IL20RA: variants seen among roughly 807,000 people sequenced by gnomAD.
The protein encoded by IL20RA is interleukin 20 receptor subunit alpha, also known as interleukin-20 receptor subunit alpha.
In IL20RA, 29 loss-of-function variants were observed where a neutral mutation model predicts 36.5. The observed-to-expected ratio is 0.79, with a 90% confidence interval of 0.59 to 1.08. The LOEUF is 1.08. IL20RA is among the 50% of genes least tolerant of loss of function. The probability of loss-of-function intolerance (pLI) is 0.00; values close to 1 mark genes in which losing one functional copy is unlikely to be tolerated. For missense variants in IL20RA, 652 were observed against 668.4 expected (o/e 0.98, Z 0.27); for synonymous variants, 279 against 267.1 (o/e 1.04, Z -0.43).
intron 1 of IL20RA, among the ~76,000 whole-genome samples, chr6:137,022,977 G>C (rs1775956658): frequency 6.6e-6 from 1 of 152,146 alleles, no homozygotes; most frequent in South Asian, 2.1e-4. Context: ...AACTGTGAGA[G>C]AATAAATTGT....
At chr6:137,031,445 AG>A (rs1156471871) in intron 1 of IL20RA, among the ~76,000 whole-genome samples, 2 of 152,360 alleles carry the variant, frequency 1.3e-5, no homozygotes, top group African/African-American at 4.8e-5. Flanking sequence ...TGTATATATA[AG>A]ATGTGTATCT....
chr6:137,024,087 CTA>C (rs1227205988), intron 1 of IL20RA, among the ~76,000 whole-genome samples: 2 of 151,950 alleles, frequency 1.3e-5, no homozygotes, highest in African/African-American at 4.8e-5. Flanking sequence ...GAGTGAGACT[CTA>C]TCTAAAAACA....
At position 137,009,315 on chromosome 6, in the gene IL20RA, A is replaced by C. The variant is rs760758870; in HGVS notation, c.579+2T>G. Reference sequence around the variant, plus strand: ...GTATGCCCCATTCCATTTCAGGCTTACCGTTCTGTTTGATTTAGTATTCAA... The same window carrying C: ...GTATGCCCCATTCCATTTCAGGCTTCCCGTTCTGTTTGATTTAGTATTCAA... On this transcript the variant is annotated splice_donor_variant, in intron 4 of 6. Coordinates refer to ENST00000316649, the MANE Select transcript of IL20RA (RefSeq NM_014432.4). LOFTEE classifies it high-confidence loss of function. 1 of 1,611,702 alleles carries C rather than the reference A, an allele frequency of 6.2e-7. No individual in the cohort carries two copies. The highest frequency in any genetic ancestry group is 1.1e-5 in the South Asian group (1 of 91,042).
In IL20RA at chr6:137,044,834, G is replaced by A; in HGVS notation, c.-106C>T. 1.9e-6 allele frequency: 2 copies of A among 1,052,382 alleles called. No individual in the cohort carries two copies. The highest frequency in any genetic ancestry group is 2.4e-6 in the Non-Finnish European group (2 of 835,292). 65.2% of individuals were successfully genotyped at this position (1,052,382 alleles called of 1,614,324 possible). ...GCCTCAGCTCCGCGCCTGGGGCTCT[G>A]CGTGCCACGCTCCAGGCGACCTGAG... On this transcript the variant is annotated 5_prime_UTR_variant, in exon 1 of 7. Transcript: ENST00000316649.
intron 1 of IL20RA, chr6:137,037,992 A>C (rs372974239): frequency 3.9e-4 from 60 of 152,274 alleles, no homozygotes; most frequent in African/African-American, 1.4e-3. Context: ...GGTAGTGAGT[A>C]TCCTGTGATG....
At chr6:137,040,991 G>A (rs933864057) in intron 1 of IL20RA, among the ~76,000 whole-genome samples, 5 of 152,170 alleles carry the variant, frequency 3.3e-5, no homozygotes, top group African/African-American at 1.2e-4. Flanking sequence ...TTAACCAAGC[G>A]ATCAAGGTTA....
In IL20RA at chr6:137,007,577, A is replaced by T. The variant is rs952984507; in HGVS notation, c.724+1022T>A. On this transcript the variant is annotated intron_variant, in intron 5 of 6. Transcript: ENST00000316649. ...AGGATGTATTTTTTTTCAATTTTCAAGTTTTTAGTTAAAGCTCCTCTCACT... is the reference window on the plus strand; with the variant it reads ...AGGATGTATTTTTTTTCAATTTTCATGTTTTTAGTTAAAGCTCCTCTCACT... Among the ~76,000 whole-genome samples, 4 of 152,178 alleles carry T rather than the reference A, an allele frequency of 2.6e-5. No homozygotes were observed. The South Asian group carries it at 8.3e-4, about 31-fold the overall frequency.
At chr6:137,004,172 T>TTGTTTTTTTTTTTTG (rs1775187633) in intron 6 of IL20RA, among the ~76,000 whole-genome samples, 2 of 132,684 alleles carry the variant, frequency 1.5e-5, no homozygotes, top group African/African-American at 5.9e-5. Context: ...TTTTTTTTTT[T>TTGTTTTTTTTTTTTG]TTTTTTTTTT....
intron 1 of IL20RA, chr6:137,042,940 A>G (rs1776755367): frequency 6.6e-6 from 1 of 152,232 alleles, no homozygotes; most frequent in Non-Finnish European, 1.5e-5. Context: ...CCAAAGACCC[A>G]GGAGAGGACG....
At chr6:137,002,643 G>A (rs1775120899) in intron 6 of IL20RA, among the ~76,000 whole-genome samples, 1 of 152,222 alleles carries the variant, frequency 6.6e-6, no homozygotes, top group Non-Finnish European at 1.5e-5. Context: ...ACTGGCAGAG[G>A]AGTTGCTTCA....
chr6:137,001,707 C>A lies in IL20RA; in HGVS notation c.1513G>T (p.Glu505Ter). The A allele has an allele frequency of 6.2e-7, 1 of 1,614,092 alleles. No individual in the cohort carries two copies. Among genetic ancestry groups the A allele is most frequent in the Non-Finnish European group, 8.5e-7 (1 of 1,179,964 alleles). ...SSFDQDSEGC[E>*]PSEGDGLGEE... ...CCGAGCCCATCCCCCTCAGAAGGCT[C>A]GCAGCCCTCTGAATCCTGGTCGAAG... The change falls in exon 7 of 7, where the codon GAG becomes TAG. Residue 505 changes from glutamate (E) to a stop codon, truncating the protein, a stop_gained. Coordinates refer to ENST00000316649, the MANE Select transcript of IL20RA (RefSeq NM_014432.4). LOFTEE classifies it low-confidence loss of function (END_TRUNC).
chr6:137,025,984 T>C (rs1761141257), intron 1 of IL20RA, among the ~76,000 whole-genome samples: 1 of 152,222 alleles, frequency 6.6e-6, no homozygotes, highest in South Asian at 2.1e-4. Context: ...GCATTTAGAC[T>C]TTCCCATTAT....
chr6:137,041,061 G>A (rs951124385), intron 1 of IL20RA, among the ~76,000 whole-genome samples: 42 of 152,222 alleles, frequency 2.8e-4, no homozygotes, highest in Admixed American at 2.0e-3. Flanking sequence ...AATTTATGTG[G>A]CATTTCTGCC....
At chr6:137,018,706 GTAC>G (rs1360197773) in intron 1 of IL20RA, among the ~76,000 whole-genome samples, 3 of 152,112 alleles carry the variant, frequency 2.0e-5, no homozygotes, top group African/African-American at 4.8e-5. Context: ...CTGCTTTGTG[GTAC>G]TACTAGGTTC....
chr6:137,004,801 A>G, intron 5 of IL20RA, 41 bp from the exon 6 acceptor site: 4 of 1,550,462 alleles, frequency 2.6e-6, no homozygotes, highest in Non-Finnish European at 3.5e-6. Flanking sequence ...GGGGGAAGGG[A>G]TTAGATAGTT....
Position 137,006,799 on chromosome 6 carries a change from T to C in IL20RA, c.724+1800A>G, listed in dbSNP as rs538944179. On this transcript the variant is annotated intron_variant, in intron 5 of 6. Transcript: ENST00000316649. ...GTGCAGTGGCACAATCACGGCTCAC[T>C]GTAGCCTTGACTTCCCCAGGCTCAG... is the stretch of plus-strand genomic sequence containing the variant. Among the ~76,000 whole-genome samples the C allele has an allele frequency of 6.6e-5, 10 of 151,986 alleles. No individual in the cohort carries two copies. The South Asian group carries it at 1.9e-3, about 28-fold the overall frequency.
chr6:137,038,650 T>C (rs1474962431), intron 1 of IL20RA, among the ~76,000 whole-genome samples: 1 of 152,200 alleles, frequency 6.6e-6, no homozygotes, highest in African/African-American at 2.4e-5. Context: ...AGCAAAAGTA[T>C]AATGTTATAA....
At chr6:137,004,970 T>G (rs1775228420) in intron 5 of IL20RA, among the ~76,000 whole-genome samples, 1 of 152,242 alleles carries the variant, frequency 6.6e-6, no homozygotes, top group South Asian at 2.1e-4. Context: ...AGAGACGGTC[T>G]GAAGGAATCA....
chr6:137,043,857 T>TACGAGATA (rs1776800072), intron 1 of IL20RA, among the ~76,000 whole-genome samples: 2 of 152,208 alleles, frequency 1.3e-5, no homozygotes, highest in Admixed American at 1.3e-4. Context: ...TTTTCTCATG[T>TACGAGATA]ACGAGAAATA....
Sources: allele counts gnomAD v4.1 joint callset (sites outside exome capture counted in the v4.1 genomes callset), GRCh38; gene constraint gnomAD v4.1.1; transcripts MANE v1.5; gene names NCBI Gene and HGNC (gene_info 2026-07-23, HGNC 2026-07-21).